MISFA: variants seen among roughly 807,000 people sequenced by gnomAD.
MISFA encodes mitochondrial sheath formation associated.
At chr11:18,602,987 G>A in the MISFA span, 6 of 395,576 alleles carry the variant, frequency 1.5e-5, no homozygotes, top group Non-Finnish European at 2.7e-5. Context: ...ACTAGGCCAC[G>A]AAGCTCCTTA....
the MISFA span, among the ~76,000 whole-genome samples, chr11:18,604,984 T>G: frequency 6.6e-6 from 1 of 152,190 alleles, no homozygotes; most frequent in Admixed American, 6.5e-5. Context: ...GGCTCACACC[T>G]GTAATCCCAG....
At chr11:18,600,512 C>CTTTTTTTTTTTT in the MISFA span, among the ~76,000 whole-genome samples, 1 of 54,030 alleles carries the variant, frequency 1.9e-5, no homozygotes, top group Non-Finnish European at 3.2e-5. Flanking sequence ...TGGGGACATC[C>CTTTTTTTTTTTT]TTTTTTTTTT....
the MISFA span, among the ~76,000 whole-genome samples, chr11:18,605,634 C>T: frequency 4.1e-4 from 63 of 152,276 alleles, no homozygotes; most frequent in African/African-American, 1.4e-3. Context: ...TTAGACTCAA[C>T]ATTTTCCAGT....
At chr11:18,603,310 TA>T in the MISFA span, 1 of 397,342 alleles carries the variant, frequency 2.5e-6, no homozygotes, top group African/African-American at 2.1e-5. Context: ...ATACTTTTAT[TA>T]TTTTTTTAAA....
the MISFA span, chr11:18,601,359 T>C: frequency 2.5e-6 from 1 of 398,050 alleles, no homozygotes; most frequent in Non-Finnish European, 4.4e-6. Flanking sequence ...TTAATAACCA[T>C]GTCTCATAGG....
chr11:18,603,917 CTTTTTTTTTTTT>C, the MISFA span: 72 of 53,014 alleles, frequency 1.4e-3, no homozygotes, highest in Non-Finnish European at 2.0e-3. Flanking sequence ...AGTTACCGCA[CTTTTTTTTTTTT>C]TTTTTTTTTT....
chr11:18,608,640 A>C, the MISFA span: 1 of 152,198 alleles, frequency 6.6e-6, no homozygotes, highest in Non-Finnish European at 1.5e-5. Context: ...TTCCAGCATG[A>C]TCCTAAGTCA....
the MISFA span, among the ~76,000 whole-genome samples, chr11:18,604,720 C>T: frequency 6.6e-6 from 1 of 152,044 alleles, no homozygotes; most frequent in Non-Finnish European, 1.5e-5. Flanking sequence ...TATAATTATC[C>T]TAATCCTTAA....
At chr11:18,604,092 A>AT in the MISFA span, among the ~76,000 whole-genome samples, 3 of 151,144 alleles carry the variant, frequency 2.0e-5, no homozygotes, top group Non-Finnish European at 4.4e-5. Context: ...ACGCCTGGCT[A>AT]TTTTTTTGTG....
At chr11:18,606,892 G>A in the MISFA span, 1 of 343,070 alleles carries the variant, frequency 2.9e-6, no homozygotes, top group Non-Finnish European at 5.4e-6. Flanking sequence ...ATGGAGTCTC[G>A]CTCTGTCACC....
At chr11:18,608,770 C>T in the MISFA span, 1 of 152,592 alleles carries the variant, frequency 6.6e-6, no homozygotes, top group Non-Finnish European at 1.5e-5. Flanking sequence ...GGGAACATCC[C>T]TTCCTACCTG....
the MISFA span, chr11:18,607,875 A>C: frequency 6.6e-6 from 1 of 152,212 alleles, no homozygotes; most frequent in Non-Finnish European, 1.5e-5. Flanking sequence ...GCCTTTCTGT[A>C]CAAAGAACTG....
chr11:18,603,744 G>A, the MISFA span: 38 of 398,886 alleles, frequency 9.5e-5, no homozygotes, highest in Non-Finnish European at 1.6e-4. Context: ...AGGCCTGCAT[G>A]ACACACACTT....
the MISFA span, chr11:18,603,695 G>A: frequency 8.8e-5 from 35 of 398,576 alleles, no homozygotes; most frequent in African/African-American, 6.4e-4. Flanking sequence ...GTCCTTGCCT[G>A]GGAGGCCAAA....
At chr11:18,604,268 A>C in the MISFA span, among the ~76,000 whole-genome samples, 1 of 152,114 alleles carries the variant, frequency 6.6e-6, no homozygotes, top group Admixed American at 6.5e-5. Flanking sequence ...GTATTCTGTT[A>C]GCTTGTAACA....
chr11:18,600,663 G>A, the MISFA span, among the ~76,000 whole-genome samples: 1 of 151,814 alleles, frequency 6.6e-6, no homozygotes, highest in Non-Finnish European at 1.5e-5. Flanking sequence ...TGGGACTACA[G>A]GCTCCCACCA....
chr11:18,608,697 C>A, the MISFA span: 1 of 152,342 alleles, frequency 6.6e-6, no homozygotes, highest in African/African-American at 2.4e-5. Context: ...CTATTAAGTC[C>A]ATATTTATGA....
the MISFA span, chr11:18,609,683 C>T: frequency 3.2e-6 from 2 of 616,090 alleles, no homozygotes; most frequent in African/African-American, 3.7e-5. Flanking sequence ...AGATTTCACC[C>T]TGGAAAATAT....
At chr11:18,601,104 A>T in the MISFA span, 599 of 398,652 alleles carry the variant, frequency 1.5e-3, 3 homozygotes, top group African/African-American at 0.011. Context: ...TCCAACTCTG[A>T]AGTGGCAGGA....
Sources: gnomAD v4.1 joint callset for allele counts (sites outside exome capture counted in the v4.1 genomes callset) on GRCh38, gnomAD v4.1.1 for gene constraint, MANE v1.5 for transcripts, NCBI Gene and HGNC (gene_info 2026-07-23, HGNC 2026-07-21) for gene names.